SLC25A21: variants seen among roughly 807,000 people sequenced by gnomAD.
SLC25A21 encodes solute carrier family 25 member 21, also known as mitochondrial 2-oxodicarboxylate carrier.
SLC25A21 carries 47 observed loss-of-function variants against 43.8 expected under a neutral mutation model. The observed-to-expected ratio is 1.07, with a 90% CI of 0.85 to 1.37. The LOEUF (loss-of-function observed/expected upper bound fraction) is 1.37. SLC25A21 is among the 40% of genes most tolerant of loss of function. The pLI is 0.00. For missense variants in SLC25A21, 352 were observed against 350.2 expected, an observed-to-expected ratio of 1.00 and a Z score of -0.04; for synonymous variants, 131 against 121.3, an observed-to-expected ratio of 1.08 and a Z score of -0.52.
rs576604248 is a variant in SLC25A21 at position 37,155,011 on chromosome 14, T to C, written c.70+17270A>G. Among the ~76,000 whole-genome samples the C allele has an allele frequency of 5.9e-5, 9 of 152,168 alleles. 1 individual carries two copies. The East Asian group carries it at 1.5e-3, about 26-fold the overall frequency. On this transcript the variant is annotated intron_variant, in intron 1 of 9. Transcript: ENST00000331299. ...TTCATTGAAAGAAATAAAAAATACATTTGAAAACTTTGGTAATAGAGTAGA... is the reference window on the plus strand; with the variant it reads ...TTCATTGAAAGAAATAAAAAATACACTTGAAAACTTTGGTAATAGAGTAGA...
chr14:36,876,585 T>C (rs567239532), intron 1 of SLC25A21, among the ~76,000 whole-genome samples: 1 of 121,894 alleles, frequency 8.2e-6, no homozygotes, highest in Non-Finnish European at 2.0e-5. Context: ...AGCAGAAATC[T>C]TCCTTGCTAA....
chr14:37,132,387 A>G lies in SLC25A21; in HGVS notation c.70+39894T>C, dbSNP rs75174712. 8.0e-3 allele frequency among the ~76,000 whole-genome samples: 1,213 copies of G among 152,312 alleles called. 11 individuals are homozygous for G. The highest frequency in any genetic ancestry group is 0.014 in the Middle Eastern group (4 of 294). ...CTGTCTTAACCACTATACTCACAGG[A>G]AAGCTGGGAGAGGACAGCATAGGTT... On this transcript the variant is annotated intron_variant, in intron 1 of 9. Transcript: ENST00000331299.
At chr14:37,109,609 A>G (rs1962981711) in intron 1 of SLC25A21, among the ~76,000 whole-genome samples, 1 of 152,182 alleles carries the variant, frequency 6.6e-6, no homozygotes, top group African/African-American at 2.4e-5. Context: ...GAAAGTATTA[A>G]TGAATGATGT....
intron 1 of SLC25A21, among the ~76,000 whole-genome samples, chr14:36,876,025 T>C (rs1890511984): frequency 6.6e-6 from 1 of 152,182 alleles, no homozygotes; most frequent in Non-Finnish European, 1.5e-5. Context: ...GTAAGTATCA[T>C]TATCATCTTT....
intron 1 of SLC25A21, among the ~76,000 whole-genome samples, chr14:37,003,834 T>C (rs892547257): frequency 1.3e-5 from 2 of 152,216 alleles, no homozygotes; most frequent in Non-Finnish European, 2.9e-5. Context: ...CATGTACAAT[T>C]GGTAAATATT....
intron 1 of SLC25A21, among the ~76,000 whole-genome samples, chr14:36,900,096 C>G (rs1004501077): frequency 6.6e-6 from 1 of 151,968 alleles, no homozygotes; most frequent in Non-Finnish European, 1.5e-5. Flanking sequence ...AAGACTCTTT[C>G]TCACATGCCC....
intron 3 of SLC25A21, among the ~76,000 whole-genome samples, chr14:36,776,019 T>G (rs1886807314): frequency 6.6e-6 from 1 of 152,048 alleles, no homozygotes; most frequent in Non-Finnish European, 1.5e-5. Context: ...TTTCACTGCT[T>G]TGGTTCAATA....
At chr14:36,699,481 G>A (rs899764607) in intron 7 of SLC25A21, among the ~76,000 whole-genome samples, 2 of 152,192 alleles carry the variant, frequency 1.3e-5, no homozygotes, top group African/African-American at 4.8e-5. Flanking sequence ...GCTCTTTTCA[G>A]AGCTGTCAGA....
intron 1 of SLC25A21, among the ~76,000 whole-genome samples, chr14:36,962,647 T>C (rs1399587022): frequency 6.6e-6 from 1 of 152,230 alleles, no homozygotes; most frequent in African/African-American, 2.4e-5. Flanking sequence ...ATTGTGTTTT[T>C]AAAAACACAA....
chr14:36,764,932 C>T (rs1438778330), intron 3 of SLC25A21, among the ~76,000 whole-genome samples: 5 of 152,214 alleles, frequency 3.3e-5, no homozygotes, highest in South Asian at 2.1e-4. Flanking sequence ...CACAAGATTA[C>T]GGGCCATCTT....
intron 1 of SLC25A21, among the ~76,000 whole-genome samples, chr14:37,085,197 G>A (rs992924824): frequency 2.0e-5 from 3 of 152,138 alleles, no homozygotes; most frequent in African/African-American, 7.2e-5. Context: ...TCTCAGAGAC[G>A]CCTCCCCTAA....
chr14:36,812,520 A>G (rs1041864578), intron 3 of SLC25A21, among the ~76,000 whole-genome samples: 3 of 150,802 alleles, frequency 2.0e-5, no homozygotes, highest in African/African-American at 4.9e-5. Flanking sequence ...ATACACACAA[A>G]TGTGCAAAGA....
chr14:37,034,646 A>G (rs1289016449), intron 1 of SLC25A21, among the ~76,000 whole-genome samples: 1 of 152,120 alleles, frequency 6.6e-6, no homozygotes, highest in Non-Finnish European at 1.5e-5. Flanking sequence ...CGACAAAAAC[A>G]CCCGCGTGCA....
intron 3 of SLC25A21, among the ~76,000 whole-genome samples, chr14:36,743,623 A>G (rs1885367816): frequency 1.3e-5 from 2 of 152,054 alleles, no homozygotes; most frequent in African/African-American, 4.8e-5. Flanking sequence ...AGAACAAGAC[A>G]AGGAACAAGA....
intron 1 of SLC25A21, among the ~76,000 whole-genome samples, chr14:37,161,756 C>T (rs1453818989): frequency 6.6e-6 from 1 of 151,418 alleles, no homozygotes; most frequent in Non-Finnish European, 1.5e-5. Context: ...GTCAGGAGAC[C>T]AAGACCATGC....
rs1884572332 is a variant in SLC25A21 at position 36,725,644 on chromosome 14, T to C, written c.364A>G (p.Thr122Ala). 1 of 1,600,634 alleles carries C rather than the reference T, an allele frequency of 6.2e-7. No homozygotes were observed. Among genetic ancestry groups the C allele is most frequent in the Non-Finnish European group, 8.5e-7 (1 of 1,173,788 alleles). The part of the protein sequence containing the change: ...FAIAGLGSGL[T>A]EAIVVNPFEV... The stretch of plus-strand genomic sequence containing the variant: ...AAAGGGTTAACTACAATGGCTTCTG[T>C]TAGTCCAGATCCCAATCCAGCAATG... The change falls in exon 6 of 10, where the codon ACA becomes GCA. Residue 122 changes from threonine to alanine, a missense_variant. Coordinates refer to ENST00000331299, the MANE Select transcript of SLC25A21 (RefSeq NM_030631.4).
chr14:36,758,966 AG>A (rs1886039754), intron 3 of SLC25A21, among the ~76,000 whole-genome samples: 1 of 152,186 alleles, frequency 6.6e-6, no homozygotes, highest in Non-Finnish European at 1.5e-5. Flanking sequence ...GAGGCTGCAG[AG>A]GGGTTTGAGC....
chr14:36,867,290 A>G (rs1011509465), intron 2 of SLC25A21, among the ~76,000 whole-genome samples: 3 of 152,098 alleles, frequency 2.0e-5, no homozygotes, highest in Admixed American at 2.0e-4. Flanking sequence ...CACCTTTTTC[A>G]TGAAATCTTC....
chr14:36,742,349 C>T (rs1885305797), intron 3 of SLC25A21, among the ~76,000 whole-genome samples: 2 of 152,170 alleles, frequency 1.3e-5, no homozygotes, highest in Non-Finnish European at 2.9e-5. Context: ...TATGAGTGCA[C>T]GGCTTCCATT....
Sources: allele counts gnomAD v4.1 joint callset (sites outside exome capture counted in the v4.1 genomes callset), GRCh38; gene constraint gnomAD v4.1.1; transcripts MANE v1.5; gene names NCBI Gene and HGNC (gene_info 2026-07-23, HGNC 2026-07-21).